The following RBM47 variants were observed in gnomAD, a reference collection of about 807,000 sequenced individuals.
RBM47 encodes the protein RNA binding motif protein 47.
A neutral mutation model predicts 47.1 loss-of-function variants in RBM47; 21 were observed. The observed-to-expected ratio is 0.45, with a 90% CI of 0.32 to 0.64. RBM47 has a LOEUF of 0.64. Ranked by LOEUF, RBM47 falls within the 30% of genes least tolerant of loss-of-function variation. The probability of loss-of-function intolerance (pLI) is 0.05; values close to 1 mark genes in which losing one functional copy is unlikely to be tolerated. For synonymous variants in RBM47, 375 were observed against 361.7 expected (o/e 1.04, Z -0.42); for missense variants, 708 against 870.9 (o/e 0.81, Z 2.35).
intron 1 of RBM47, among the ~76,000 whole-genome samples, chr4:40,611,657 G>A (rs1195377643): frequency 6.6e-6 from 1 of 152,088 alleles, no homozygotes; most frequent in African/African-American, 2.4e-5. Context: ...GAACCCGGGA[G>A]GCAGAGGTTG....
rs1724015284 is a variant in RBM47, at chr4:40,505,751, TATG to T, written c.-155+38668_-155+38670del. Among the ~76,000 whole-genome samples, 4 of 150,792 alleles carry T rather than the reference TATG, an allele frequency of 2.7e-5. 1 individual carries two copies. In the South Asian group the frequency reaches 8.4e-4, roughly 32 times the overall value. On this transcript the variant is annotated intron_variant, in intron 2 of 6. Transcript: ENST00000295971. ...AAATACAAAAAAAAAAATAGCTGGT[TATG>T]GTGGTGTGCGCCTGTAGTCCCCAGC...
At chr4:40,617,544 T>C (rs1484539157) in intron 1 of RBM47, among the ~76,000 whole-genome samples, 2 of 152,050 alleles carry the variant, frequency 1.3e-5, no homozygotes, top group East Asian at 3.9e-4. Flanking sequence ...GGTGACAGAG[T>C]GAGACTCCAT....
At chr4:40,609,877 C>T (rs193093745) in intron 1 of RBM47, among the ~76,000 whole-genome samples, 1 of 151,060 alleles carries the variant, frequency 6.6e-6, no homozygotes, top group Admixed American at 6.6e-5. Flanking sequence ...GGCAGATCAC[C>T]TGAGGTCAGG....
At chr4:40,489,839 TACAG>T (rs1186290766) in intron 2 of RBM47, among the ~76,000 whole-genome samples, 1 of 152,066 alleles carries the variant, frequency 6.6e-6, no homozygotes. Flanking sequence ...GCATAGAAAA[TACAG>T]ACAAAGTTAT....
chr4:40,489,054 C>T (rs1227505217), intron 2 of RBM47, among the ~76,000 whole-genome samples: 1 of 152,190 alleles, frequency 6.6e-6, no homozygotes, highest in Non-Finnish European at 1.5e-5. Context: ...ATATGGACTG[C>T]ACCATAATGA....
At chr4:40,598,757 C>T (rs1321045220) in intron 1 of RBM47, among the ~76,000 whole-genome samples, 1 of 150,962 alleles carries the variant, frequency 6.6e-6, no homozygotes, top group Non-Finnish European at 1.5e-5. Flanking sequence ...AGGGTTTCTA[C>T]ATTCTATATT....
intron 1 of RBM47, among the ~76,000 whole-genome samples, chr4:40,566,947 C>A (rs1731162472): frequency 6.6e-6 from 1 of 151,494 alleles, no homozygotes; most frequent in Non-Finnish European, 1.5e-5. Context: ...TGGGCCCGGC[C>A]CATTCTGTGT....
In RBM47 at chr4:40,438,636, C is replaced by A. The variant is rs754813778; in HGVS notation, c.258G>T (p.Glu86Asp). 3.7e-5 allele frequency: 59 copies of A among 1,613,166 alleles called. No homozygotes were observed. Among genetic ancestry groups the A allele is most frequent in the Non-Finnish European group, 4.5e-5 (53 of 1,179,568 alleles). The change falls in exon 4 of 7, where the codon GAG becomes GAT. Residue 86 changes from glutamate (E) to aspartate (D), a missense_variant. Glu to Asp is a conservative substitution (Grantham distance 45). Transcript: ENST00000295971. ...CCACGGCCTCGAACACGGGCACCAG[C>A]TCGTCCTCGTACACGTCGCGCGGGA... is the stretch of plus-strand genomic sequence containing the variant. ...GKIPRDVYED[E>D]LVPVFEAVGR...
chr4:40,592,139 C>A (rs142158635), intron 1 of RBM47, among the ~76,000 whole-genome samples: 79 of 152,290 alleles, frequency 5.2e-4, no homozygotes, highest in African/African-American at 1.8e-3. Context: ...GAATCTTTGA[C>A]CTGTGACTCT....
rs893809434 is a variant in RBM47 at position 40,423,366 on chromosome 4, T to A, written c.*2538A>T. On this transcript the variant is annotated 3_prime_UTR_variant, in exon 7 of 7. Transcript: ENST00000295971. ...GATCTAAATAAAAGCTTTTCAAATATAAAGCAGCTAAAGTTAACTAAACCA... is the reference window on the plus strand; with the variant it reads ...GATCTAAATAAAAGCTTTTCAAATAAAAAGCAGCTAAAGTTAACTAAACCA... 1 of 151,948 alleles carries A rather than the reference T, an allele frequency of 6.6e-6. No individual in the cohort carries two copies. The allele number at this position is 151,948 out of a possible 1,614,324, so 9.4% of individuals were successfully genotyped here.
At chr4:40,589,654 G>C (rs1017408627) in intron 1 of RBM47, among the ~76,000 whole-genome samples, 18 of 152,288 alleles carry the variant, frequency 1.2e-4, no homozygotes, top group Admixed American at 1.2e-3. Context: ...GGCTAGGCTG[G>C]TCTCGAACTC....
chr4:40,612,462 A>C (rs1736346205), intron 1 of RBM47, among the ~76,000 whole-genome samples: 1 of 152,184 alleles, frequency 6.6e-6, no homozygotes. Flanking sequence ...CAGTGAACCA[A>C]GATCGCACCA....
At chr4:40,481,293 G>A (rs552684413) in intron 2 of RBM47, among the ~76,000 whole-genome samples, 30 of 138,056 alleles carry the variant, frequency 2.2e-4, no homozygotes, top group Admixed American at 3.8e-4. Context: ...TTTTTTTTGA[G>A]ATGGAGTCTC....
rs1002162120 is a variant in RBM47, at chr4:40,438,101, T to G, written c.793A>C (p.Ser265Arg). 1 of 1,613,616 alleles carries G rather than the reference T, an allele frequency of 6.2e-7. No homozygotes were observed. Among genetic ancestry groups the G allele is most frequent in the African/African-American group, 1.3e-5 (1 of 74,980 alleles). ...CAGCCGGGGTTGAACTGGCCGAAGC[T>G]CTTCTTGATGGTGTCCTCGGTGGTC... The part of the protein sequence containing the change: ...IETTEDTIKK[S>R]FGQFNPGCVE... Residue 265 changes from serine (S) to arginine (R), a missense_variant, in exon 4 of 7, where the codon AGC becomes CGC. Ser to Arg is a moderately radical substitution (Grantham distance 110, BLOSUM62 -1). Coordinates refer to ENST00000295971, the MANE Select transcript of RBM47 (RefSeq NM_001098634.2).
chr4:40,437,097 A>G lies in RBM47; in HGVS notation c.1124-450T>C, dbSNP rs1303008038. Among the ~76,000 whole-genome samples the G allele has an allele frequency of 1.4e-4, 12 of 83,384 alleles. 1 individual carries two copies. Among genetic ancestry groups the G allele is most frequent in the Non-Finnish European group, 1.7e-4 (8 of 47,454 alleles). The allele number at this position is 83,384 out of a possible 152,430, so 54.7% of individuals were successfully genotyped here. The stretch of plus-strand genomic sequence containing the variant: ...TCAAAAAAAAAAAAAAAAAATATAT[A>G]TATATATATATATAAAATACATATA... On this transcript the variant is annotated intron_variant, in intron 4 of 6. Coordinates refer to ENST00000295971, the MANE Select transcript of RBM47 (RefSeq NM_001098634.2).
At chr4:40,555,373 T>G (rs145495924) in intron 1 of RBM47, among the ~76,000 whole-genome samples, 1 of 152,166 alleles carries the variant, frequency 6.6e-6, no homozygotes, top group East Asian at 1.9e-4. Context: ...AGCCCCTGAC[T>G]TTCTAGTTTC....
Position 40,498,054 on chromosome 4 carries a change from T to TTATA in RBM47, c.-154-31359_-154-31356dup, listed in dbSNP as rs6148409. ...TGCAAATAAAATGTAAGTGCTTGTT[T>TTATA]TATATATATATATATATATATATAT... On this transcript the variant is annotated intron_variant, in intron 2 of 6. Transcript: ENST00000295971. Among the ~76,000 whole-genome samples, 840 of 109,858 alleles carry TTATA rather than the reference T, an allele frequency of 7.6e-3. 50 individuals are homozygous for TTATA. The highest frequency in any genetic ancestry group is 0.011 in the African/African-American group (336 of 31,676). The allele number at this position is 109,858 out of a possible 152,430, so 72.1% of individuals were successfully genotyped here.
chr4:40,477,836 C>T (rs1029676347), intron 2 of RBM47, among the ~76,000 whole-genome samples: 1 of 151,966 alleles, frequency 6.6e-6, no homozygotes, highest in African/African-American at 2.4e-5. Flanking sequence ...TTAAAAAATA[C>T]ATGCACATAA....
At chr4:40,597,869 C>T (rs1005525830) in intron 1 of RBM47, among the ~76,000 whole-genome samples, 3 of 152,220 alleles carry the variant, frequency 2.0e-5, no homozygotes, top group Non-Finnish European at 4.4e-5. Context: ...CCAGAAGGAG[C>T]AGACACTGGC....
Sources: allele counts gnomAD v4.1 joint callset (sites outside exome capture counted in the v4.1 genomes callset), GRCh38; gene constraint gnomAD v4.1.1; transcripts MANE v1.5; gene names NCBI Gene and HGNC (gene_info 2026-07-23, HGNC 2026-07-21).